Variants in FBXL2 observed in about 807,000 individuals in gnomAD.
FBXL2 encodes F-box and leucine rich repeat protein 2.
FBXL2 carries 38 observed loss-of-function variants against 69.2 expected under a neutral mutation model. The ratio of observed to expected loss-of-function variants is 0.55; its 90% confidence interval spans 0.42 to 0.72. FBXL2 has a LOEUF of 0.72. FBXL2 is among the 30% of genes least tolerant of loss of function. The probability of loss-of-function intolerance (pLI) is 0.00; values close to 1 mark genes in which losing one functional copy is unlikely to be tolerated. For synonymous variants in FBXL2, 192 were observed against 201.3 expected, an observed-to-expected ratio of 0.95 and a Z score of 0.39; for missense variants, 354 against 520.3, an observed-to-expected ratio of 0.68 and a Z score of 3.11.
chr3:33,389,966 A>G, downstream of FBXL2: 1 of 204,730 alleles, frequency 4.9e-6, no homozygotes, highest in Non-Finnish European at 9.9e-6. Flanking sequence ...AGAAAGGTAA[A>G]TGCCCACAGT....
chr3:33,389,699 C>T (rs1261795361), downstream of FBXL2: 3 of 152,628 alleles, frequency 2.0e-5, no homozygotes, highest in Non-Finnish European at 2.9e-5. Context: ...CACCAAGGTA[C>T]TCCTGATAAT....
rs2035607519 is a variant in FBXL2, at chr3:33,295,005, C to T, written c.4-2659C>T. Among the ~76,000 whole-genome samples, 4 of 152,140 alleles carry T rather than the reference C, an allele frequency of 2.6e-5. No homozygotes were observed. In the South Asian group the frequency reaches 8.3e-4, roughly 31 times the overall value. ...ATCCAACACAAAGATTCATCATTGA[C>T]ACTACTTTGAAAATAAATGTAAGTT... On this transcript the variant is annotated intron_variant, in intron 1 of 14. Coordinates refer to ENST00000484457, the MANE Select transcript of FBXL2 (RefSeq NM_012157.5).
At chr3:33,331,256 C>G (rs1290483805) in intron 2 of FBXL2, among the ~76,000 whole-genome samples, 2 of 139,062 alleles carry the variant, frequency 1.4e-5, no homozygotes, top group Non-Finnish European at 3.0e-5. Flanking sequence ...TGGTTACAAT[C>G]AAGTAAAACA....
chr3:33,414,704 T>G, the FBXL2 span, among the ~76,000 whole-genome samples: 1 of 152,162 alleles, frequency 6.6e-6, no homozygotes, highest in Non-Finnish European at 1.5e-5. Flanking sequence ...AGACAGTAGC[T>G]CTTAATCCCA....
intron 2 of FBXL2, among the ~76,000 whole-genome samples, chr3:33,337,996 T>C (rs1435460971): frequency 3.9e-5 from 6 of 152,216 alleles, no homozygotes; most frequent in African/African-American, 1.4e-4. Context: ...TTCATGCTCA[T>C]GGATGGGAAG....
At chr3:33,337,853 A>T (rs928655466) in intron 2 of FBXL2, among the ~76,000 whole-genome samples, 1 of 152,216 alleles carries the variant, frequency 6.6e-6, no homozygotes, top group Non-Finnish European at 1.5e-5. Flanking sequence ...CAAGAACGCA[A>T]TACTGTTCAC....
At chr3:33,395,330 CT>C (rs397940588) in intron 12 of FBXL2, among the ~76,000 whole-genome samples, 2,741 of 147,410 alleles carry the variant, frequency 0.019, 30 homozygotes, top group South Asian at 0.028. Flanking sequence ...ATTAACACAT[CT>C]TTTTTTTTTT....
At chr3:33,349,365 T>C (rs1268124491) in intron 2 of FBXL2, among the ~76,000 whole-genome samples, 2 of 152,192 alleles carry the variant, frequency 1.3e-5, no homozygotes, top group Non-Finnish European at 2.9e-5. Context: ...ATTGATCATA[T>C]GGTGTTTGTC....
At chr3:33,378,601 T>C in intron 12 of FBXL2, 84 bp from the exon 13 acceptor site, 3 of 1,375,876 alleles carry the variant, frequency 2.2e-6, no homozygotes, top group Non-Finnish European at 3.0e-6. Context: ...TTTACACCTT[T>C]TGATTCTCGT....
chr3:33,291,158 T>C (rs998077467), intron 1 of FBXL2, among the ~76,000 whole-genome samples: 6 of 152,194 alleles, frequency 3.9e-5, no homozygotes, highest in Non-Finnish European at 7.3e-5. Flanking sequence ...CTCAAACTCC[T>C]GAGCTAAGTG....
chr3:33,341,279 C>A (rs917886521), intron 2 of FBXL2, among the ~76,000 whole-genome samples: 3 of 152,024 alleles, frequency 2.0e-5, no homozygotes, highest in Non-Finnish European at 2.9e-5. Context: ...AACATGGGTA[C>A]AATTAATAAA....
chr3:33,420,466 C>CAGGTG, the FBXL2 span, among the ~76,000 whole-genome samples: 1 of 149,612 alleles, frequency 6.7e-6, no homozygotes, highest in Admixed American at 6.7e-5. Context: ...GCTGGAATGA[C>CAGGTG]AGGTGTGTGC....
intron 2 of FBXL2, among the ~76,000 whole-genome samples, chr3:33,328,320 A>G (rs919546631): frequency 2.0e-5 from 3 of 152,188 alleles, no homozygotes; most frequent in Admixed American, 1.3e-4. Context: ...CAAAATATCA[A>G]TGATATTCTT....
At chr3:33,398,809 T>C (rs759634164) in intron 12 of FBXL2, among the ~76,000 whole-genome samples, 4 of 152,238 alleles carry the variant, frequency 2.6e-5, no homozygotes, top group African/African-American at 7.2e-5. Context: ...GCTTTTTCTA[T>C]GTGCTATGCT....
At chr3:33,417,578 T>A in the FBXL2 span, among the ~76,000 whole-genome samples, 1 of 152,228 alleles carries the variant, frequency 6.6e-6, no homozygotes, top group African/African-American at 2.4e-5. Flanking sequence ...ATTTGGGTTG[T>A]TTCCACTTTT....
chr3:33,413,965 A>T, the FBXL2 span, among the ~76,000 whole-genome samples: 1 of 152,214 alleles, frequency 6.6e-6, no homozygotes, highest in African/African-American at 2.4e-5. Flanking sequence ...AAAATATCAC[A>T]GTTCTAATTG....
At chr3:33,311,963 A>G (rs1006657057) in intron 2 of FBXL2, among the ~76,000 whole-genome samples, 1 of 151,900 alleles carries the variant, frequency 6.6e-6, no homozygotes, top group Non-Finnish European at 1.5e-5. Flanking sequence ...TTGTTGAACT[A>G]ATTTTGTTTA....
chr3:33,415,276 A>G, the FBXL2 span, among the ~76,000 whole-genome samples: 1 of 152,314 alleles, frequency 6.6e-6, no homozygotes, highest in African/African-American at 2.4e-5. Flanking sequence ...TTCAGAATTG[A>G]TTTTCTTCAA....
chr3:33,393,601 TTCC>T (rs1420152739), intron 12 of FBXL2: 1 of 659,172 alleles, frequency 1.5e-6, no homozygotes, highest in East Asian at 3.2e-5. Context: ...AACTATTTCT[TTCC>T]CCCATCTTAC....
Sources: gnomAD v4.1 joint callset for allele counts (sites outside exome capture counted in the v4.1 genomes callset) on GRCh38, gnomAD v4.1.1 for gene constraint, MANE v1.5 for transcripts, NCBI Gene and HGNC (gene_info 2026-07-23, HGNC 2026-07-21) for gene names.